Variants in LONRF2 observed in about 807,000 individuals in gnomAD.
The protein encoded by LONRF2 is LON peptidase N-terminal domain and ring finger 2, also known as LON peptidase N-terminal domain and RING finger protein 2.
In LONRF2, 35 loss-of-function variants were observed where a neutral mutation model predicts 66.6. That is an observed-to-expected ratio of 0.53 (90% CI 0.40 to 0.70). The LOEUF (loss-of-function observed/expected upper bound fraction) is 0.70. LONRF2 is among the 30% of genes least tolerant of loss of function. LONRF2 has a pLI of 0.00. For missense variants in LONRF2, 902 were observed against 1,002.1 expected (o/e 0.90, Z 1.35); for synonymous variants, 417 against 418.1 (o/e 1.00, Z 0.03).
At chr2:100,292,964 C>T (rs894111165) in intron 9 of LONRF2, among the ~76,000 whole-genome samples, 2 of 152,172 alleles carry the variant, frequency 1.3e-5, no homozygotes, top group Non-Finnish European at 1.5e-5. Flanking sequence ...AATTTGGCGT[C>T]CACATATGAG....
Position 100,281,981 on chromosome 2 carries a change from G to C in LONRF2, c.*2317C>G, listed in dbSNP as rs1674749660. 6.6e-6 allele frequency: 1 copy of C among 151,908 alleles called. No individual in the cohort carries two copies. Among genetic ancestry groups the C allele is most frequent in the Admixed American group, 6.6e-5 (1 of 15,254 alleles). The allele number at this position is 151,908 out of a possible 1,614,324, so 9.4% of individuals were successfully genotyped here. A position where few individuals can be genotyped will look rare whatever the true frequency, so the allele number is the denominator to read the frequency against. On this transcript the variant is annotated 3_prime_UTR_variant, in exon 12 of 12. Transcript: ENST00000393437. ...GGTTCCTGATGCGTGATGTTTCTAA[G>C]TGCTCAGTAAGTACCAATCTACTCC...
intron 2 of LONRF2, 96 bp downstream of exon 2, chr2:100,309,011 T>A (rs1675353628): frequency 1.3e-6 from 1 of 777,334 alleles, no homozygotes; most frequent in Non-Finnish European, 2.1e-6. Flanking sequence ...ACATACTTTG[T>A]CTATAGGTAC....
chr2:100,277,450 CAG>C lies in LONRF2; in HGVS notation c.*6846_*6847del, dbSNP rs914849356. 1.3e-5 allele frequency: 2 copies of C among 152,242 alleles called. No individual in the cohort carries two copies. Among genetic ancestry groups the C allele is most frequent in the Non-Finnish European group, 2.9e-5 (2 of 68,102 alleles). The allele number at this position is 152,242 out of a possible 1,614,324, so 9.4% of individuals were successfully genotyped here. ...CTACCGATGCCTCCTTAACACAGGA[CAG>C]AGTCAAGCCTGGGCCCTCTGGTGTA... On this transcript the variant is annotated 3_prime_UTR_variant, in exon 12 of 12. Transcript: ENST00000393437.
At position 100,272,499 on chromosome 2, in the gene LONRF2, C is replaced by G. The variant is rs1385279927; in HGVS notation, c.*11799G>C. ...GGATGACACAGCAAGACCATGTCCC[C>G]CAAGAAGAAAATAAATAAATAAATA... On this transcript the variant is annotated 3_prime_UTR_variant, in exon 12 of 12. Coordinates refer to ENST00000393437, the MANE Select transcript of LONRF2 (RefSeq NM_198461.4). 6.6e-6 allele frequency among the ~76,000 whole-genome samples: 1 copy of G among 151,232 alleles called. No individual in the cohort carries two copies.
rs1188266754 is a variant in LONRF2, at chr2:100,276,643, G to GA, written c.*7654dup. The GA allele has an allele frequency of 7.3e-5, 11 of 150,956 alleles. No individual in the cohort carries two copies. The East Asian group carries it at 9.7e-4, about 13-fold the overall frequency. The allele number at this position is 150,956 out of a possible 1,614,324, so 9.4% of individuals were successfully genotyped here. On this transcript the variant is annotated 3_prime_UTR_variant, in exon 12 of 12. Coordinates refer to ENST00000393437, the MANE Select transcript of LONRF2 (RefSeq NM_198461.4). ...CCAATCTTTCCTATCCTTAAACCTGGAAAAAAACAAGTGTGCCTCATGGTG... is the reference window on the plus strand; with the variant it reads ...CCAATCTTTCCTATCCTTAAACCTGGAAAAAAAACAAGTGTGCCTCATGGTG...
intron 10 of LONRF2, among the ~76,000 whole-genome samples, chr2:100,288,451 G>C (rs1674891187): frequency 6.6e-6 from 1 of 152,174 alleles, no homozygotes. Context: ...TAATTCCAAG[G>C]ATTTCCTCCT....
At chr2:100,291,677 G>C (rs1056114674) in intron 9 of LONRF2, among the ~76,000 whole-genome samples, 4 of 152,014 alleles carry the variant, frequency 2.6e-5, no homozygotes, top group Admixed American at 1.3e-4. Flanking sequence ...CTGTTGCTGA[G>C]CTAATGCTTC....
chr2:100,304,308 C>T (rs1675245039), intron 2 of LONRF2, among the ~76,000 whole-genome samples: 1 of 77,322 alleles, frequency 1.3e-5, no homozygotes, highest in South Asian at 3.8e-4. Flanking sequence ...GCCACCCTGC[C>T]TGGCTAATTT....
intron 3 of LONRF2, among the ~76,000 whole-genome samples, chr2:100,301,952 C>T (rs780701153): frequency 6.6e-6 from 1 of 152,172 alleles, no homozygotes; most frequent in Non-Finnish European, 1.5e-5. Flanking sequence ...GTCAATTGAA[C>T]AACTGTCAGG....
chr2:100,297,975 C>G (rs113987638), intron 7 of LONRF2, among the ~76,000 whole-genome samples: 3 of 140,858 alleles, frequency 2.1e-5, no homozygotes, highest in East Asian at 4.6e-4. Context: ...TTTTACTGTA[C>G]GTTTGTAAAA....
intron 1 of LONRF2, among the ~76,000 whole-genome samples, chr2:100,311,339 T>C (rs1240577160): frequency 6.8e-6 from 1 of 146,306 alleles, no homozygotes; most frequent in Non-Finnish European, 1.5e-5. Flanking sequence ...TTTTTCCACA[T>C]CTTCCAAAGG....
chr2:100,299,990 G>T, intron 4 of LONRF2, 72 bp from the exon 5 acceptor site: 2 of 621,726 alleles, frequency 3.2e-6, no homozygotes, highest in South Asian at 1.8e-5. Context: ...GAATGCAGAA[G>T]CCTGTACTAG....
In LONRF2 at chr2:100,283,101, G is replaced by A. The variant is rs1674773444; in HGVS notation, c.*1197C>T. The A allele has an allele frequency of 6.6e-6, 1 of 152,168 alleles. No homozygotes were observed. The highest frequency in any genetic ancestry group is 2.4e-5 in the African/African-American group (1 of 41,426). 9.4% of individuals were successfully genotyped at this position (152,168 alleles called of 1,614,324 possible). On this transcript the variant is annotated 3_prime_UTR_variant, in exon 12 of 12. Coordinates refer to ENST00000393437, the MANE Select transcript of LONRF2 (RefSeq NM_198461.4). ...GCTGGTTGGGCCAGAGAGAACATAT[G>A]AGTATCTCAGATTCAGTTATTCCAA...
intron 2 of LONRF2, among the ~76,000 whole-genome samples, chr2:100,306,168 C>A (rs1032346994): frequency 2.0e-5 from 3 of 152,146 alleles, no homozygotes; most frequent in Non-Finnish European, 4.4e-5. Context: ...TCTGCCTCAG[C>A]CTCCCAAAGT....
intron 8 of LONRF2, 122 bp downstream of exon 8, chr2:100,295,310 C>T: frequency 1.2e-6 from 1 of 808,288 alleles, no homozygotes; most frequent in Non-Finnish European, 1.8e-6. Context: ...TTGCAATTAA[C>T]ATCCTTTTCC....
At chr2:100,318,096 T>C (rs572577646) in intron 1 of LONRF2, among the ~76,000 whole-genome samples, 1 of 152,346 alleles carries the variant, frequency 6.6e-6, no homozygotes, top group Admixed American at 6.5e-5. Context: ...TCCAATTTCA[T>C]CGATGTTGGA....
At chr2:100,318,414 G>A (rs757076944) in intron 1 of LONRF2, among the ~76,000 whole-genome samples, 7 of 152,138 alleles carry the variant, frequency 4.6e-5, no homozygotes, top group African/African-American at 9.7e-5. Context: ...GCCAAAAGTA[G>A]TCACATGGCT....
Position 100,287,005 on chromosome 2 carries a change from G to C in LONRF2, c.1979C>G (p.Ser660Cys). 6.2e-7 allele frequency: 1 copy of C among 1,614,214 alleles called. No homozygotes were observed. Among genetic ancestry groups the C allele is most frequent in the Non-Finnish European group, 8.5e-7 (1 of 1,180,036 alleles). ...CTGGAGAGACGCGAACCAGGAAACAGACTGTTGATGCACAGAATCGTGGAG... is the reference window on the plus strand; with the variant it reads ...CTGGAGAGACGCGAACCAGGAAACACACTGTTGATGCACAGAATCGTGGAG... ...AALHDSVHQQ[S>C]VSWFASLQDR... Residue 660 changes from serine (S) to cysteine (C), a missense_variant, in exon 11 of 12, where the codon TCT becomes TGT. Transcript: ENST00000393437.
At position 100,279,428 on chromosome 2, in the gene LONRF2, C is replaced by T. The variant is rs1441575817; in HGVS notation, c.*4870G>A. ...GACTCCTGTATCTCCACGTGTCTTC[C>T]TCCTTTCTACTCTCAGAATAAAATG... On this transcript the variant is annotated 3_prime_UTR_variant, in exon 12 of 12. Coordinates refer to ENST00000393437, the MANE Select transcript of LONRF2 (RefSeq NM_198461.4). 6.6e-6 allele frequency: 1 copy of T among 152,082 alleles called. No individual in the cohort carries two copies. Among genetic ancestry groups the T allele is most frequent in the Admixed American group, 6.5e-5 (1 of 15,276 alleles). The allele number at this position is 152,082 out of a possible 1,614,324, so 9.4% of individuals were successfully genotyped here. A position where few individuals can be genotyped will look rare whatever the true frequency, so the allele number is the denominator to read the frequency against.
Sources: allele counts gnomAD v4.1 joint callset (sites outside exome capture counted in the v4.1 genomes callset), GRCh38; gene constraint gnomAD v4.1.1; transcripts MANE v1.5; gene names NCBI Gene and HGNC (gene_info 2026-07-23, HGNC 2026-07-21).